Variants in TRPC4AP observed in about 807,000 individuals in gnomAD.
The protein encoded by TRPC4AP is short transient receptor potential channel 4-associated protein.
Under a neutral mutation model 99.0 loss-of-function variants are expected in TRPC4AP, and 45 were observed. The ratio of observed to expected loss-of-function variants is 0.45; its 90% CI spans 0.36 to 0.58. The LOEUF (loss-of-function observed/expected upper bound fraction) is 0.58. Among genes scored for constraint, TRPC4AP ranks in the 20% least tolerant of loss-of-function variants. The probability of loss-of-function intolerance (pLI) is 0.00; values close to 1 mark genes in which losing one functional copy is unlikely to be tolerated. For synonymous variants in TRPC4AP, 408 were observed against 385.8 expected, an observed-to-expected ratio of 1.06 and a Z score of -0.67; for missense variants, 879 against 985.3, an observed-to-expected ratio of 0.89 and a Z score of 1.44.
intron 8 of TRPC4AP, among the ~76,000 whole-genome samples, chr20:35,031,390 CTTTTTTTT>C (rs71299218): frequency 1.5e-3 from 112 of 73,666 alleles, no homozygotes; most frequent in African/African-American, 5.0e-3. Flanking sequence ...CCCTGGTTAA[CTTTTTTTT>C]TTTTTTTTTT....
At chr20:35,074,466 C>T (rs6087670) in intron 2 of TRPC4AP, among the ~76,000 whole-genome samples, 89,235 of 151,944 alleles carry the variant, frequency 0.59, 27,174 homozygotes, top group Middle Eastern at 0.74. Flanking sequence ...CCTGGTATGT[C>T]ATGTCTTTGT....
At position 35,003,117 on chromosome 20, in the gene TRPC4AP, C is replaced by A; in HGVS notation, c.*29G>T. The A allele has an allele frequency of 6.2e-7, 1 of 1,612,948 alleles. No individual in the cohort carries two copies. The highest frequency in any genetic ancestry group is 2.2e-5 in the East Asian group (1 of 44,892). ...CGTACCCACGCTCACCCACACTGGCCCAGCAGCCTCCCGAGGCCTGGCCCA... is the reference window on the plus strand; with the variant it reads ...CGTACCCACGCTCACCCACACTGGCACAGCAGCCTCCCGAGGCCTGGCCCA... On this transcript the variant is annotated 3_prime_UTR_variant, in exon 19 of 19. Transcript: ENST00000252015.
chr20:35,004,362 C>T (rs1368767193), intron 17 of TRPC4AP, 96 bp downstream of exon 17: 5 of 1,055,328 alleles, frequency 4.7e-6, no homozygotes, highest in African/African-American at 1.6e-5. Flanking sequence ...CAGAGACGCA[C>T]TTCTGGAGTG....
chr20:35,036,255 G>A (rs2083314036), intron 7 of TRPC4AP, among the ~76,000 whole-genome samples: 2 of 152,302 alleles, frequency 1.3e-5, no homozygotes, highest in Middle Eastern at 3.4e-3. Context: ...TATGCATTAA[G>A]TCTCCCTGGA....
intron 5 of TRPC4AP, among the ~76,000 whole-genome samples, chr20:35,052,083 ATAGGTTTTTTT>A (rs2083713801): frequency 6.7e-6 from 1 of 149,666 alleles, no homozygotes; most frequent in African/African-American, 2.5e-5. Flanking sequence ...AACATTCATC[ATAGGTTTTTTT>A]TTGGTTTTTT....
At chr20:35,045,506 G>A (rs2083539896) in intron 6 of TRPC4AP, among the ~76,000 whole-genome samples, 1 of 151,962 alleles carries the variant, frequency 6.6e-6, no homozygotes. Context: ...AAGTAGCTAG[G>A]ACTACAGGTG....
intron 8 of TRPC4AP, among the ~76,000 whole-genome samples, chr20:35,029,141 C>T (rs1318258269): frequency 6.6e-6 from 1 of 152,142 alleles, no homozygotes; most frequent in Non-Finnish European, 1.5e-5. Flanking sequence ...ATCCCAACTA[C>T]TTGGGAGGCT....
At chr20:35,044,359 T>G in intron 7 of TRPC4AP, 146 bp downstream of exon 7, 1 of 822,568 alleles carries the variant, frequency 1.2e-6, no homozygotes, top group Non-Finnish European at 1.8e-6. Context: ...GCCACTGCAC[T>G]CCTGCCTGGG....
intron 4 of TRPC4AP, 50 bp from the exon 5 acceptor site, chr20:35,055,081 T>C (rs745317531): frequency 3.3e-6 from 5 of 1,511,138 alleles, no homozygotes; most frequent in South Asian, 1.1e-5. Context: ...GAAAAGATAG[T>C]ACAACAGTTA....
chr20:35,046,997 T>C (rs188534961), intron 6 of TRPC4AP, among the ~76,000 whole-genome samples: 70 of 152,276 alleles, frequency 4.6e-4, no homozygotes, highest in African/African-American at 1.7e-3. Flanking sequence ...GCCTCCCAAG[T>C]AGCTGGGACT....
intron 17 of TRPC4AP, among the ~76,000 whole-genome samples, chr20:35,004,185 C>CA (rs1200452988): frequency 6.6e-6 from 1 of 152,194 alleles, no homozygotes; most frequent in African/African-American, 2.4e-5. Context: ...CAAAGCCCAG[C>CA]AGGGCAGAAG....
intron 8 of TRPC4AP, among the ~76,000 whole-genome samples, chr20:35,023,173 G>A (rs2082935658): frequency 6.6e-6 from 1 of 152,196 alleles, no homozygotes; most frequent in Non-Finnish European, 1.5e-5. Context: ...GTAGTTAAGA[G>A]CACTGACCCT....
chr20:35,051,614 T>C (rs1204488847), intron 5 of TRPC4AP, among the ~76,000 whole-genome samples: 1 of 135,346 alleles, frequency 7.4e-6, no homozygotes, highest in Non-Finnish European at 1.5e-5. Flanking sequence ...CACTGACACA[T>C]TAAAAAAAAA....
intron 3 of TRPC4AP, among the ~76,000 whole-genome samples, chr20:35,062,176 T>C (rs2084024558): frequency 6.6e-6 from 1 of 152,154 alleles, no homozygotes; most frequent in Admixed American, 6.5e-5. Context: ...GTGGAGAAAT[T>C]AGAACCTTCA....
rs1330139496 is a variant in TRPC4AP at position 35,018,126 on chromosome 20, A to T, written c.1219-1987T>A. The stretch of plus-strand genomic sequence containing the variant: ...TGGCCCAAAAAAATTCATCCAGTGC[A>T]ATTGCCTCACTGCACAGACTAGAAA... On this transcript the variant is annotated intron_variant, in intron 9 of 18. Coordinates refer to ENST00000252015, the MANE Select transcript of TRPC4AP (RefSeq NM_015638.3). Among the ~76,000 whole-genome samples the T allele has an allele frequency of 2.0e-5, 3 of 152,198 alleles. No individual in the cohort carries two copies. In the East Asian group the frequency reaches 5.8e-4, roughly 29 times the overall value.
At position 35,044,690 on chromosome 20, in the gene TRPC4AP, A is replaced by T; in HGVS notation, c.680T>A (p.Val227Asp). ...VKKEMIRLDE[V>D]PNLSSLVSNF... ...GGATACTAAGGAACTCAGATTGGGG[A>T]CTTCATCTAGTCGGATCATTTCCTA... Residue 227 changes from valine to aspartate, a missense_variant, in exon 7 of 19, where the codon GTC becomes GAC. Physicochemically the swap from Val to Asp is radical, Grantham distance 152. Around this residue, in one of 3 missense-constraint regions of TRPC4AP, gnomAD observed 603 missense variants for 631.8 expected, o/e 0.95. Coordinates refer to ENST00000252015, the MANE Select transcript of TRPC4AP (RefSeq NM_015638.3). 1 of 1,614,150 alleles carries T rather than the reference A, an allele frequency of 6.2e-7. No homozygotes were observed. Among genetic ancestry groups the T allele is most frequent in the Non-Finnish European group, 8.5e-7 (1 of 1,180,022 alleles).
intron 10 of TRPC4AP, among the ~76,000 whole-genome samples, chr20:35,013,509 C>A (rs1024481622): frequency 2.0e-5 from 3 of 151,984 alleles, no homozygotes; most frequent in African/African-American, 7.3e-5. Context: ...ACCTGGGAGG[C>A]GGAAGTTGCA....
chr20:35,003,350 CCT>C lies in TRPC4AP; in HGVS notation c.2256+58_2256+59del. ...AGGTCAAGCCCAGCACCGGGACACC[CCT>C]CTGAGAGGCCCTGGGTCCGCGGCCC... is the stretch of plus-strand genomic sequence containing the variant. On this transcript the variant is annotated intron_variant, in intron 18 of 18. Coordinates refer to ENST00000252015, the MANE Select transcript of TRPC4AP (RefSeq NM_015638.3). 6 of 1,612,952 alleles carry C rather than the reference CCT, an allele frequency of 3.7e-6. No individual in the cohort carries two copies. In the South Asian group the frequency reaches 4.4e-5, roughly 12 times the overall value.
intron 3 of TRPC4AP, among the ~76,000 whole-genome samples, chr20:35,063,771 G>A (rs2084068856): frequency 6.6e-6 from 1 of 152,114 alleles, no homozygotes; most frequent in Non-Finnish European, 1.5e-5. Flanking sequence ...TGAGGCAGGA[G>A]GATCACTAGA....
Sources: gnomAD v4.1 joint callset for allele counts (sites outside exome capture counted in the v4.1 genomes callset) on GRCh38, gnomAD v4.1.1 for gene constraint, gnomAD v4.1.1 regional missense constraint, MANE v1.5 for transcripts, NCBI Gene and HGNC (gene_info 2026-07-23, HGNC 2026-07-21) for gene names.